ZNF638: variants seen among roughly 807,000 people sequenced by gnomAD.
The protein encoded by ZNF638 is zinc finger protein 638, also known as CTCL tumor antigen se33-1.
Under a neutral mutation model 195.6 loss-of-function variants are expected in ZNF638, and 46 were observed. The observed-to-expected ratio is 0.24, with a 90% CI of 0.19 to 0.30. The LOEUF is 0.30. Ranked by LOEUF, ZNF638 falls within the 10% of genes least tolerant of loss-of-function variation. The probability of loss-of-function intolerance (pLI) is 1.00; values close to 1 mark genes in which losing one functional copy is unlikely to be tolerated. For missense variants in ZNF638, 2,440 were observed against 2,325.3 expected, an observed-to-expected ratio of 1.05 and a Z score of -1.01; for synonymous variants, 845 against 772.0, an observed-to-expected ratio of 1.09 and a Z score of -1.57.
At chr2:71,388,164 T>A (rs1393554634) in intron 10 of ZNF638, among the ~76,000 whole-genome samples, 2 of 152,206 alleles carry the variant, frequency 1.3e-5, no homozygotes, top group Admixed American at 6.5e-5. Context: ...TTGGAAGTCC[T>A]GGGAGGTTTT....
intron 6 of ZNF638, 98 bp downstream of exon 6, chr2:71,365,804 C>T (rs1286492801): frequency 3.2e-5 from 38 of 1,180,962 alleles, no homozygotes; most frequent in Middle Eastern, 5.9e-4. Context: ...ACTGCAGCCT[C>T]GATCTCCTGG....
intron 27 of ZNF638, 161 bp downstream of exon 27, chr2:71,433,444 A>G (rs2080707107): frequency 3.4e-6 from 2 of 583,288 alleles, no homozygotes; most frequent in Non-Finnish European, 6.0e-6. Context: ...CTTGCCTGTA[A>G]TTTCTAGTCC....
Position 71,399,593 on chromosome 2 carries a change from A to G in ZNF638, c.2535A>G (p.Lys845=), listed in dbSNP as rs754233837. 2.5e-6 allele frequency: 4 copies of G among 1,612,930 alleles called. No individual in the cohort carries two copies. The highest frequency in any genetic ancestry group is 3.4e-6 in the Non-Finnish European group (4 of 1,179,306). ...KSGGKKSLEA[K]KTGNVKNKDS... ...GTGGAAAGAAGTCTCTAGAAGCCAA[A>G]AAGACTGGGAATGTCAAAAACAAAG... The change falls in exon 13 of 28, where the codon AAA becomes AAG. Residue 845 remains lysine (K), a synonymous_variant. Coordinates refer to ENST00000264447, the MANE Select transcript of ZNF638 (RefSeq NM_014497.5).
intron 1 of ZNF638, among the ~76,000 whole-genome samples, chr2:71,345,102 T>C (rs1171017154): frequency 6.6e-6 from 1 of 152,196 alleles, no homozygotes; most frequent in African/African-American, 2.4e-5. Context: ...TTCATAAAAC[T>C]TTCATTATGC....
Position 71,349,347 on chromosome 2 carries a change from A to G in ZNF638, c.393A>G (p.Val131=). 2 of 1,614,190 alleles carry G rather than the reference A, an allele frequency of 1.2e-6. No individual in the cohort carries two copies. Among genetic ancestry groups the G allele is most frequent in the Non-Finnish European group, 1.7e-6 (2 of 1,180,042 alleles). ...AGGTTACAGAGCAGAGTCCCAAAGTACAGAGCCGCTATACAAAAGAGAGTG... is the reference window on the plus strand; with the variant it reads ...AGGTTACAGAGCAGAGTCCCAAAGTGCAGAGCCGCTATACAAAAGAGAGTG... ...VTQVTEQSPK[V]QSRYTKESAS... Residue 131 remains valine, a synonymous_variant, in exon 2 of 28, where the codon GTA becomes GTG. Transcript: ENST00000264447.
Position 71,368,428 on chromosome 2 carries a change from C to T in ZNF638, c.2042C>T (p.Thr681Ile). The T allele has an allele frequency of 6.2e-7, 1 of 1,613,338 alleles. No homozygotes were observed. The highest frequency in any genetic ancestry group is 2.2e-5 in the East Asian group (1 of 44,752). ...SLHYGSVLLI[T>I]ELPEDGCTEE... ...CATTATGGTTCGGTTCTTCTTATAA[C>T]TGAATTACCAGAGGATGGTTGTACT... The change falls in exon 7 of 28, where the codon ACT becomes ATT. Residue 681 changes from threonine to isoleucine, a missense_variant. Thr to Ile is a moderately conservative substitution (Grantham distance 89, BLOSUM62 -1). Coordinates refer to ENST00000264447, the MANE Select transcript of ZNF638 (RefSeq NM_014497.5).
intron 10 of ZNF638, 92 bp downstream of exon 10, chr2:71,380,657 C>A: frequency 2.7e-6 from 3 of 1,091,508 alleles, no homozygotes; most frequent in Non-Finnish European, 3.9e-6. Context: ...CACTATTGTG[C>A]TTTAATGAAG....
chr2:71,424,740 AC>A, intron 23 of ZNF638, 25 bp downstream of exon 23: 1 of 1,580,386 alleles, frequency 6.3e-7, no homozygotes, highest in African/African-American at 1.4e-5. Flanking sequence ...ACAGACCCTA[AC>A]CCTTCTTTTT....
intron 10 of ZNF638, among the ~76,000 whole-genome samples, chr2:71,386,261 C>T (rs1487623534): frequency 7.0e-6 from 1 of 143,584 alleles, no homozygotes; most frequent in African/African-American, 2.6e-5. Flanking sequence ...GCTACTGTAC[C>T]CCAGCCTATG....
intron 10 of ZNF638, chr2:71,395,320 A>G (rs1254145481): frequency 1.1e-5 from 8 of 716,136 alleles, no homozygotes; most frequent in African/African-American, 3.5e-5. Context: ...GTACTCTTCA[A>G]TCAACAAAAC....
intron 20 of ZNF638, among the ~76,000 whole-genome samples, chr2:71,414,114 CTTTG>C (rs1166993458): frequency 6.9e-6 from 1 of 145,548 alleles, no homozygotes; most frequent in Non-Finnish European, 1.5e-5. Context: ...GTCCTGGACT[CTTTG>C]TTTGGTAAAC....
At chr2:71,411,726 T>C (rs1263508307) in intron 20 of ZNF638, among the ~76,000 whole-genome samples, 1 of 76,478 alleles carries the variant, frequency 1.3e-5, no homozygotes, top group Non-Finnish European at 2.6e-5. Flanking sequence ...ATATGCGGTG[T>C]TTGGTTTTTT....
chr2:71,426,793 C>G lies in ZNF638; in HGVS notation c.4924C>G (p.Leu1642Val), dbSNP rs2080549059. The G allele has an allele frequency of 1.2e-6, 2 of 1,613,164 alleles. No individual in the cohort carries two copies. Among genetic ancestry groups the G allele is most frequent in the East Asian group, 2.2e-5 (1 of 44,854 alleles). ...MEEMVKNSNS[L>V]FTLDELIDQD... ...AGAAATGGTAAAAAATTCAAATTCACTTTTTACATTAGATGAATTAATTGA... is the reference window on the plus strand; with the variant it reads ...AGAAATGGTAAAAAATTCAAATTCAGTTTTTACATTAGATGAATTAATTGA... Residue 1642 changes from leucine to valine, a missense_variant, in exon 24 of 28, where the codon CTT becomes GTT. Leu to Val is a conservative substitution (Grantham distance 32, BLOSUM62 1). Coordinates refer to ENST00000264447, the MANE Select transcript of ZNF638 (RefSeq NM_014497.5).
chr2:71,396,725 A>G (rs1402577708), intron 11 of ZNF638, among the ~76,000 whole-genome samples: 1 of 152,156 alleles, frequency 6.6e-6, no homozygotes, highest in African/African-American at 2.4e-5. Flanking sequence ...AGGGTGGATC[A>G]CCTGAAGTCA....
chr2:71,349,198 T>C lies in ZNF638; in HGVS notation c.244T>C (p.Leu82=), dbSNP rs777668320. 6.8e-6 allele frequency: 11 copies of C among 1,613,862 alleles called. No homozygotes were observed. The highest frequency in any genetic ancestry group is 6.7e-5 in the Admixed American group (4 of 59,980). ...AACTCAACACAGAACTGATCCAAGA[T>C]TGACCAAAGAAAAACTGGATTTTCA... The part of the protein sequence containing the change: ...QVTQHRTDPR[L]TKEKLDFHEA... The change falls in exon 2 of 28, where the codon TTG becomes CTG. Residue 82 remains leucine, a synonymous_variant. Coordinates refer to ENST00000264447, the MANE Select transcript of ZNF638 (RefSeq NM_014497.5).
At chr2:71,378,763 G>A (rs2079482148) in intron 8 of ZNF638, among the ~76,000 whole-genome samples, 1 of 152,196 alleles carries the variant, frequency 6.6e-6, no homozygotes, top group South Asian at 2.1e-4. Flanking sequence ...GGTGATATAT[G>A]AGCAAACATT....
chr2:71,405,639 A>T lies in ZNF638; in HGVS notation c.2997A>T (p.Pro999=). The change falls in exon 18 of 28, where the codon CCA becomes CCT. Residue 999 remains proline, a synonymous_variant. Transcript: ENST00000264447. ...IFITLVKEND[P]EANIDTIYDR... ...TAACCTTGGTAAAAGAAAATGACCCAGAGGTAAGTTTTGCATTTAAATGCT... is the reference window on the plus strand; with the variant it reads ...TAACCTTGGTAAAAGAAAATGACCCTGAGGTAAGTTTTGCATTTAAATGCT... 6.4e-7 allele frequency: 1 copy of T among 1,563,216 alleles called. No individual in the cohort carries two copies. The highest frequency in any genetic ancestry group is 8.7e-7 in the Non-Finnish European group (1 of 1,149,162).
chr2:71,338,089 G>A (rs1172833754), intron 1 of ZNF638, among the ~76,000 whole-genome samples: 15 of 152,118 alleles, frequency 9.9e-5, no homozygotes, highest in Non-Finnish European at 4.4e-5. Flanking sequence ...CTTCATGCAT[G>A]ATACTATGTG....
intron 10 of ZNF638, chr2:71,393,387 C>A (rs767464585): frequency 1.8e-5 from 13 of 717,876 alleles, no homozygotes; most frequent in Middle Eastern, 4.6e-4. Flanking sequence ...GTTCACACCC[C>A]CCTCAGGCCC....
Sources: allele counts gnomAD v4.1 joint callset (sites outside exome capture counted in the v4.1 genomes callset), GRCh38; gene constraint gnomAD v4.1.1; transcripts MANE v1.5; gene names NCBI Gene and HGNC (gene_info 2026-07-23, HGNC 2026-07-21).